The following RDH13 variants were observed in gnomAD, a reference collection of about 807,000 sequenced individuals.
RDH13 encodes retinol dehydrogenase 13, also known as retinol dehydrogenase 13 (all-trans and 9-cis).
Under a neutral mutation model 28.3 loss-of-function variants are expected in RDH13, and 35 were observed. The observed-to-expected ratio is 1.24, with a 90% confidence interval of 0.95 to 1.64. The LOEUF (loss-of-function observed/expected upper bound fraction) is 1.64, where lower values mean the gene tolerates loss of function less well. Ranked by LOEUF, RDH13 falls within the 40% of genes most tolerant of loss-of-function variation. The pLI is 0.00. For synonymous variants in RDH13, 229 were observed against 198.5 expected (o/e 1.15, Z -1.29); for missense variants, 514 against 446.3 (o/e 1.15, Z -1.37).
rs1399083632 is a variant in RDH13 at position 55,063,037 on chromosome 19, G to C, written c.-5C>G. 7.3e-7 allele frequency: 1 copy of C among 1,374,536 alleles called. No individual in the cohort carries two copies. Among genetic ancestry groups the C allele is most frequent in the African/African-American group, 1.7e-5 (1 of 57,960 alleles). 85.1% of individuals were successfully genotyped at this position (1,374,536 alleles called of 1,614,324 possible). Reference sequence around the variant, plus strand: ...CGGCAGCAGGTAGCGGCTCATGCCGGGCCGGGGACAGGCGTCAGGCGTCAG... The same window carrying C: ...CGGCAGCAGGTAGCGGCTCATGCCGCGCCGGGGACAGGCGTCAGGCGTCAG... On this transcript the variant is annotated 5_prime_UTR_variant, in exon 1 of 7. Transcript: ENST00000415061.
intron 3 of RDH13, among the ~76,000 whole-genome samples, chr19:55,050,014 G>C (rs920207972): frequency 6.7e-6 from 1 of 149,690 alleles, no homozygotes; most frequent in Non-Finnish European, 1.5e-5. Context: ...TTCAGACATG[G>C]TCTCACTATG....
At chr19:55,057,434 CCT>C (rs1491455177) in intron 2 of RDH13, among the ~76,000 whole-genome samples, 227 of 90,338 alleles carry the variant, frequency 2.5e-3, no homozygotes, top group African/African-American at 8.8e-3. Flanking sequence ...CCCATCCTCT[CCT>C]TTTTTTTTTT....
intron 3 of RDH13, chr19:55,050,613 C>G (rs2075397210): frequency 1.3e-5 from 2 of 152,162 alleles, no homozygotes; most frequent in Non-Finnish European, 2.9e-5. Flanking sequence ...GTGCGCAAAT[C>G]TCCCCTTTTC....
upstream of RDH13, chr19:55,064,314 A>T (rs897436068): frequency 1.3e-5 from 2 of 151,928 alleles, no homozygotes; most frequent in Non-Finnish European, 2.9e-5. Flanking sequence ...CCAGCTACTC[A>T]GGAGGCCGAA....
At chr19:55,058,973 G>A (rs1219180285) in intron 2 of RDH13, among the ~76,000 whole-genome samples, 184 bp downstream of exon 2, 7 of 152,210 alleles carry the variant, frequency 4.6e-5, no homozygotes, top group Non-Finnish European at 5.9e-5. Context: ...CACCGCGCCC[G>A]GCCAGAATGC....
Position 55,045,147 on chromosome 19 carries a change from C to T in RDH13, c.923G>A (p.Arg308Lys), listed in dbSNP as rs201701060. The T allele has an allele frequency of 3.7e-6, 6 of 1,613,716 alleles. No individual in the cohort carries two copies. The highest frequency in any genetic ancestry group is 4.2e-6 in the Non-Finnish European group (5 of 1,180,018). ...CAGGCGGGCACTTTCAGCCCAAAGC[C>T]TCCGGGCCACCTCCTCATCCTCAGC... The part of the protein sequence containing the change: ...PEAEDEEVAR[R>K]LWAESARLVG... Residue 308 changes from arginine to lysine, a missense_variant, in exon 7 of 7, where the codon AGG (arginine) becomes AAG (lysine). Arg to Lys is a conservative substitution (Grantham distance 26). Transcript: ENST00000415061.
upstream of RDH13, among the ~76,000 whole-genome samples, chr19:55,065,214 A>G (rs1258482366): frequency 6.6e-6 from 1 of 151,152 alleles, no homozygotes; most frequent in Non-Finnish European, 1.5e-5. Context: ...GCAAAACCTT[A>G]TCTCTACAAA....
chr19:55,058,082 G>C (rs796153554), intron 2 of RDH13, among the ~76,000 whole-genome samples: 29 of 152,012 alleles, frequency 1.9e-4, no homozygotes, highest in African/African-American at 6.7e-4. Context: ...CGCCCTCTTA[G>C]CCATTTTTAA....
At chr19:55,065,529 T>C (rs1266335817), upstream of RDH13, among the ~76,000 whole-genome samples, 1 of 151,656 alleles carries the variant, frequency 6.6e-6, no homozygotes, top group Non-Finnish European at 1.5e-5. Flanking sequence ...ATCATTGACT[T>C]CCAGGACAGA....
rs769270201 is a variant in RDH13 at position 55,045,031 on chromosome 19, C to T, written c.*43G>A. 2.4e-5 allele frequency: 34 copies of T among 1,429,564 alleles called. No homozygotes were observed. The highest frequency in any genetic ancestry group is 4.1e-5 in the Admixed American group (2 of 48,704). 88.6% of individuals were successfully genotyped at this position (1,429,564 alleles called of 1,614,324 possible). A position where few individuals can be genotyped will look rare whatever the true frequency, so the allele number is the denominator to read the frequency against. ...TGCGGGCATGGCGGACAGCTGTCCT[C>T]GGTCTGGAGGCGCCATCCTGGCTTT... On this transcript the variant is annotated 3_prime_UTR_variant, in exon 7 of 7. Coordinates refer to ENST00000415061, the MANE Select transcript of RDH13 (RefSeq NM_001145971.2).
intron 1 of RDH13, 90 bp downstream of exon 1, chr19:55,062,878 G>A: frequency 8.7e-7 from 1 of 1,152,098 alleles, no homozygotes; most frequent in South Asian, 2.0e-5. Context: ...GCCTGGACCC[G>A]GGTGCGAGGG....
Position 55,045,024 on chromosome 19 carries a change from C to G in RDH13, c.*50G>C, listed in dbSNP as rs775722453. The G allele has an allele frequency of 7.3e-7, 1 of 1,376,808 alleles. No homozygotes were observed. The highest frequency in any genetic ancestry group is 1.3e-5 in the South Asian group (1 of 74,674). 85.3% of individuals were successfully genotyped at this position (1,376,808 alleles called of 1,614,324 possible). A position where few individuals can be genotyped will look rare whatever the true frequency, so the allele number is the denominator to read the frequency against. ...AGGAAGCTGCGGGCATGGCGGACAG[C>G]TGTCCTCGGTCTGGAGGCGCCATCC... On this transcript the variant is annotated 3_prime_UTR_variant, in exon 7 of 7. Coordinates refer to ENST00000415061, the MANE Select transcript of RDH13 (RefSeq NM_001145971.2).
rs141300342 is a variant in RDH13 at position 55,055,344 on chromosome 19, G to T, written c.340+1309C>A. ...ATTTTTGTATTTTTAGTAGAGACAG[G>T]GTTTCACCATGTTGGCCAGGCTGGT... is the stretch of plus-strand genomic sequence containing the variant. On this transcript the variant is annotated intron_variant, in intron 3 of 6. Transcript: ENST00000415061. Among the ~76,000 whole-genome samples the T allele has an allele frequency of 7.1e-3, 1,071 of 151,896 alleles. 15 individuals are homozygous for T. The highest frequency in any genetic ancestry group is 0.023 in the African/African-American group (972 of 41,446).
chr19:55,060,960 A>G (rs1019504972), intron 1 of RDH13, among the ~76,000 whole-genome samples: 1 of 152,140 alleles, frequency 6.6e-6, no homozygotes, highest in African/African-American at 2.4e-5. Context: ...AGTCCAAAAC[A>G]TGTCTCACTG....
chr19:55,048,844 TCCCACAA>T, intron 3 of RDH13, 81 bp from the exon 4 acceptor site: 1 of 1,212,024 alleles, frequency 8.3e-7, no homozygotes, highest in Non-Finnish European at 1.2e-6. Flanking sequence ...ACTCCTGTGC[TCCCACAA>T]CCTGTGAATG....
intron 3 of RDH13, among the ~76,000 whole-genome samples, chr19:55,051,320 G>C (rs1480272939): frequency 6.6e-6 from 1 of 152,260 alleles, no homozygotes; most frequent in African/African-American, 2.4e-5. Context: ...GGGGGATGCA[G>C]GCAGCAGGCG....
At chr19:55,057,000 C>T (rs919313694) in intron 2 of RDH13, among the ~76,000 whole-genome samples, 192 bp from the exon 3 acceptor site, 1 of 152,088 alleles carries the variant, frequency 6.6e-6, no homozygotes, top group Non-Finnish European at 1.5e-5. Context: ...TGTGGTCCAT[C>T]CATAGAGATG....
intron 2 of RDH13, among the ~76,000 whole-genome samples, chr19:55,057,513 A>C (rs2075676805): frequency 6.7e-6 from 1 of 149,840 alleles, no homozygotes; most frequent in Non-Finnish European, 1.5e-5. Context: ...GCTCACTGCA[A>C]CCTCCACCTC....
chr19:55,056,240 A>G (rs555632437), intron 3 of RDH13, among the ~76,000 whole-genome samples: 65 of 151,006 alleles, frequency 4.3e-4, no homozygotes, highest in Non-Finnish European at 8.1e-4. Context: ...GAGGCAGGAG[A>G]ATCACCTGAG....
Sources: gnomAD v4.1 joint callset for allele counts (sites outside exome capture counted in the v4.1 genomes callset) on GRCh38, gnomAD v4.1.1 for gene constraint, MANE v1.5 for transcripts, NCBI Gene and HGNC (gene_info 2026-07-23, HGNC 2026-07-21) for gene names.